Variants in SHC3 observed in about 807,000 individuals in gnomAD.
SHC3 encodes the protein SHC-transforming protein 3.
A neutral mutation model predicts 60.4 loss-of-function variants in SHC3; 15 were observed. The ratio of observed to expected loss-of-function variants is 0.25; its 90% CI spans 0.17 to 0.38. SHC3 has a LOEUF of 0.38. Among genes scored for constraint, SHC3 ranks in the 10% least tolerant of loss-of-function variants. The pLI is 1.00. For synonymous variants in SHC3, 294 were observed against 325.9 expected (o/e 0.90, Z 1.05); for missense variants, 677 against 786.1 (o/e 0.86, Z 1.66).
At chr9:89,142,438 G>C (rs1826406599) in intron 1 of SHC3, among the ~76,000 whole-genome samples, 2 of 151,612 alleles carry the variant, frequency 1.3e-5, no homozygotes, top group African/African-American at 4.8e-5. Context: ...GTGGGTGCCT[G>C]TAATCCCACA....
At chr9:89,094,483 T>C (rs992403894) in intron 2 of SHC3, among the ~76,000 whole-genome samples, 2 of 152,156 alleles carry the variant, frequency 1.3e-5, no homozygotes, top group Middle Eastern at 3.2e-3. Flanking sequence ...GATGACTCAA[T>C]GACATGCAAA....
intron 1 of SHC3, among the ~76,000 whole-genome samples, chr9:89,168,263 C>T (rs1008025812): frequency 6.6e-6 from 1 of 152,102 alleles, no homozygotes; most frequent in Non-Finnish European, 1.5e-5. Flanking sequence ...GTCGGGAGTT[C>T]GAGACCAGCC....
intron 1 of SHC3, among the ~76,000 whole-genome samples, chr9:89,126,046 G>A (rs1826159841): frequency 6.6e-6 from 1 of 152,098 alleles, no homozygotes; most frequent in Non-Finnish European, 1.5e-5. Context: ...TCTGGATCAG[G>A]ACCACGTTCA....
At chr9:89,034,002 C>A (rs1252283401) in intron 11 of SHC3, among the ~76,000 whole-genome samples, 4 of 152,092 alleles carry the variant, frequency 2.6e-5, no homozygotes, top group Admixed American at 1.3e-4. Context: ...TCAACAAAAT[C>A]CTAAATAAAA....
In SHC3 at chr9:89,143,962, A is replaced by G. The variant is rs140040514; in HGVS notation, c.475-31336T>C. On this transcript the variant is annotated intron_variant, in intron 1 of 11. Coordinates refer to ENST00000375835, the MANE Select transcript of SHC3 (RefSeq NM_016848.6). ...GTCCTGCACCCTTCTTGGGGGCCTT[A>G]GGGTGGTGGTGTGGTTTGTCTCTTG... Among the ~76,000 whole-genome samples, 170 of 152,268 alleles carry G rather than the reference A, an allele frequency of 1.1e-3. 3 individuals are homozygous for G. In the East Asian group the frequency reaches 0.031, roughly 27 times the overall value.
chr9:89,166,763 T>C lies in SHC3; in HGVS notation c.474+11224A>G, dbSNP rs574959020. ...GCAAGGGAAGAGAGAGGGCTTCAAG[T>C]GGAGGCAGGATGCAGGAAAGGCTGA... On this transcript the variant is annotated intron_variant, in intron 1 of 11. Transcript: ENST00000375835. Among the ~76,000 whole-genome samples, 11 of 152,136 alleles carry C rather than the reference T, an allele frequency of 7.2e-5. No individual in the cohort carries two copies. The South Asian group carries it at 2.1e-3, about 29-fold the overall frequency.
chr9:89,090,000 A>C (rs1310178055), intron 2 of SHC3, among the ~76,000 whole-genome samples: 1 of 152,212 alleles, frequency 6.6e-6, no homozygotes, highest in Non-Finnish European at 1.5e-5. Context: ...CCACCCATGC[A>C]CATCCTCAGG....
intron 6 of SHC3, among the ~76,000 whole-genome samples, chr9:89,059,704 CAT>C: frequency 5.9e-5 from 1 of 16,958 alleles, no homozygotes; most frequent in Non-Finnish European, 9.6e-5. Flanking sequence ...TGGTGGAGGA[CAT>C]GGTGGAGGAT....
chr9:89,136,894 A>G (rs1051808848), intron 1 of SHC3, among the ~76,000 whole-genome samples: 1 of 152,150 alleles, frequency 6.6e-6, no homozygotes, highest in African/African-American at 2.4e-5. Flanking sequence ...TTTATGAAGA[A>G]AGAAGGTTTA....
At chr9:89,165,689 T>C (rs943453967) in intron 1 of SHC3, among the ~76,000 whole-genome samples, 8 of 151,946 alleles carry the variant, frequency 5.3e-5, no homozygotes, top group African/African-American at 1.9e-4. Flanking sequence ...GGTCTCAGAT[T>C]TGGGGAGAGG....
At chr9:89,091,924 G>C (rs1181661167) in intron 2 of SHC3, among the ~76,000 whole-genome samples, 1 of 151,152 alleles carries the variant, frequency 6.6e-6, no homozygotes, top group Admixed American at 6.6e-5. Context: ...AAAGTAAAGA[G>C]ACTCCAATAA....
intron 11 of SHC3, among the ~76,000 whole-genome samples, chr9:89,024,382 A>G (rs1298994011): frequency 1.3e-5 from 2 of 152,212 alleles, no homozygotes; most frequent in South Asian, 2.1e-4. Context: ...GGCTCAAGCC[A>G]TCCTCCTGCC....
intron 1 of SHC3, among the ~76,000 whole-genome samples, chr9:89,143,120 C>T (rs77188435): frequency 0.019 from 2,846 of 152,244 alleles, 51 homozygotes; most frequent in Middle Eastern, 0.027. Flanking sequence ...ATGGCTACTC[C>T]GTAGACAGAG....
chr9:89,139,306 T>A (rs971735892), intron 1 of SHC3, among the ~76,000 whole-genome samples: 1 of 152,210 alleles, frequency 6.6e-6, no homozygotes, highest in African/African-American at 2.4e-5. Context: ...AAGTGTACCA[T>A]AGTTCTTGAA....
At chr9:89,055,290 C>A (rs756092944) in intron 6 of SHC3, among the ~76,000 whole-genome samples, 2 of 152,250 alleles carry the variant, frequency 1.3e-5, no homozygotes, top group Admixed American at 1.3e-4. Context: ...CCCGGCTTGG[C>A]GCTCAGGACT....
intron 1 of SHC3, among the ~76,000 whole-genome samples, chr9:89,143,034 G>C (rs571287737): frequency 3.5e-4 from 53 of 152,084 alleles, no homozygotes; most frequent in African/African-American, 1.1e-3. Context: ...CTCGGATCTC[G>C]CACAAGAAAG....
intron 1 of SHC3, among the ~76,000 whole-genome samples, chr9:89,150,980 A>C (rs767445032): frequency 6.0e-5 from 9 of 150,194 alleles, no homozygotes; most frequent in Non-Finnish European, 8.9e-5. Context: ...AAAGATGTTG[A>C]GCATCTTTTC....
Position 89,013,453 on chromosome 9 carries a change from C to T in SHC3, c.1779G>A (p.Lys593=). The T allele has an allele frequency of 1.2e-6, 2 of 1,612,142 alleles. No individual in the cohort carries two copies. Residue 593 remains lysine, a synonymous_variant, in exon 12 of 12, where the codon AAG becomes AAA. Transcript: ENST00000375835. The part of the protein sequence containing the change: ...ELCLQQPVER[K]Q ...GGGAGCAGTGCTGGCCAGGTCACTG[C>T]TTCCTCTCCACTGGCTGCTGGAGAC...
At chr9:89,044,482 T>C (rs1824740533) in intron 9 of SHC3, among the ~76,000 whole-genome samples, 1 of 152,260 alleles carries the variant, frequency 6.6e-6, no homozygotes, top group Non-Finnish European at 1.5e-5. Flanking sequence ...AGCCTCAACA[T>C]TAAACCAATA....
Sources: gnomAD v4.1 joint callset for allele counts (sites outside exome capture counted in the v4.1 genomes callset) on GRCh38, gnomAD v4.1.1 for gene constraint, MANE v1.5 for transcripts, NCBI Gene and HGNC (gene_info 2026-07-23, HGNC 2026-07-21) for gene names.